Variants in KANK1 observed in about 807,000 individuals in gnomAD.
KANK1 encodes KN motif and ankyrin repeat domain-containing protein 1.
In KANK1, 109 loss-of-function variants were observed where a neutral mutation model predicts 106.2. The observed-to-expected ratio is 1.03, with a 90% CI of 0.88 to 1.20. The LOEUF is 1.20. KANK1 is among the 50% of genes most tolerant of loss of function. KANK1 has a pLI of 0.00. For synonymous variants in KANK1, 873 were observed against 652.2 expected (o/e 1.34, Z -5.16); for missense variants, 2,399 against 1,710.7 (o/e 1.40, Z -7.10).
intron 1 of KANK1, among the ~76,000 whole-genome samples, chr9:586,804 A>G (rs924831630): frequency 2.6e-5 from 4 of 152,134 alleles, no homozygotes; most frequent in Non-Finnish European, 5.9e-5. Context: ...GCCTTTACCT[A>G]AAGCAAAAGG....
rs2059246579 is a variant in KANK1 at position 515,575 on chromosome 9, GC to G, written c.-84+10822del. Among the ~76,000 whole-genome samples, 3 of 151,830 alleles carry G rather than the reference GC, an allele frequency of 2.0e-5. No homozygotes were observed. In the South Asian group the frequency reaches 6.2e-4, roughly 31 times the overall value. On this transcript the variant is annotated intron_variant, in intron 1 of 11. Coordinates refer to ENST00000382297, the MANE Select transcript of KANK1 (RefSeq NM_015158.5). ...ATTAAGGTATTTAAAGGATGAAACT[GC>G]TCATACTGTATTACTCTTTCAACTT...
chr9:502,276 TG>T, upstream of KANK1, among the ~76,000 whole-genome samples: 1 of 152,204 alleles, frequency 6.6e-6, no homozygotes, highest in African/African-American at 2.4e-5. Context: ...TGTGTGACTT[TG>T]GGAATATATT....
At chr9:571,192 A>T (rs2029726) in intron 1 of KANK1, among the ~76,000 whole-genome samples, 1 of 151,982 alleles carries the variant, frequency 6.6e-6, no homozygotes, top group Non-Finnish European at 1.5e-5. Context: ...TTTGTGTGAC[A>T]TGGTGGTGTC....
intron 3 of KANK1, among the ~76,000 whole-genome samples, chr9:482,783 G>C (rs1415894323): frequency 6.6e-6 from 1 of 152,214 alleles, no homozygotes; most frequent in East Asian, 1.9e-4. Flanking sequence ...TTGTATCGCT[G>C]ACTCTTCAGA....
At chr9:633,282 G>C (rs775769684) in intron 1 of KANK1, among the ~76,000 whole-genome samples, 6 of 151,800 alleles carry the variant, frequency 4.0e-5, no homozygotes, top group South Asian at 2.1e-4. Context: ...CGGTGAAATC[G>C]CATCTCTACT....
chr9:648,254 A>G (rs10975571), intron 1 of KANK1, among the ~76,000 whole-genome samples: 62,038 of 149,006 alleles, frequency 0.42, 15,840 homozygotes, highest in African/African-American at 0.68. Context: ...CGCCTGCCCC[A>G]GCCTCCCAAA....
intron 2 of KANK1, among the ~76,000 whole-genome samples, chr9:708,869 A>T (rs958924593): frequency 2.0e-5 from 3 of 152,234 alleles, no homozygotes; most frequent in African/African-American, 7.2e-5. Flanking sequence ...TGGGAAAACA[A>T]CACATGACCT....
intron 1 of KANK1, among the ~76,000 whole-genome samples, chr9:575,890 G>T (rs1032245741): frequency 1.3e-5 from 2 of 152,148 alleles, no homozygotes; most frequent in Admixed American, 6.5e-5. Flanking sequence ...AGATGTAGTG[G>T]TGTATGCCTA....
chr9:622,291 C>T (rs187673658), intron 1 of KANK1, among the ~76,000 whole-genome samples: 2 of 152,240 alleles, frequency 1.3e-5, no homozygotes, highest in Admixed American at 6.5e-5. Context: ...TCTTCTTAAG[C>T]GCTGTGTGTT....
chr9:670,992 C>A (rs1302319451), intron 1 of KANK1, among the ~76,000 whole-genome samples: 2 of 142,692 alleles, frequency 1.4e-5, no homozygotes, highest in Non-Finnish European at 3.0e-5. Flanking sequence ...TCTCAGTGGC[C>A]CCAGGAACTG....
At chr9:499,970 G>A (rs1056980437), upstream of KANK1, among the ~76,000 whole-genome samples, 7 of 152,158 alleles carry the variant, frequency 4.6e-5, no homozygotes, top group Non-Finnish European at 1.0e-4. Flanking sequence ...TAACAAGTTT[G>A]TTTGTAATAT....
In KANK1 at chr9:611,158, C is replaced by T. The variant is rs143097454; in HGVS notation, c.-83-65732C>T. Among the ~76,000 whole-genome samples, 402 of 152,202 alleles carry T rather than the reference C, an allele frequency of 2.6e-3. 3 individuals carry two copies. The highest frequency in any genetic ancestry group is 9.2e-3 in the African/African-American group (381 of 41,510). Reference sequence around the variant, plus strand: ...TTGACATGTGAGGAGGTTTTTTGGCCTTCAGAGATGTCGCTGTCAGCCCCC... The same window carrying T: ...TTGACATGTGAGGAGGTTTTTTGGCTTTCAGAGATGTCGCTGTCAGCCCCC... On this transcript the variant is annotated intron_variant, in intron 1 of 11. Transcript: ENST00000382297.
chr9:581,010 T>C (rs1239909976), intron 1 of KANK1, among the ~76,000 whole-genome samples: 1 of 151,908 alleles, frequency 6.6e-6, no homozygotes, highest in African/African-American at 2.4e-5. Context: ...AGCTGCTGGC[T>C]GGAGTGCTAA....
intron 1 of KANK1, among the ~76,000 whole-genome samples, chr9:512,285 G>T (rs1211690061): frequency 6.6e-6 from 1 of 150,440 alleles, no homozygotes; most frequent in Non-Finnish European, 1.5e-5. Context: ...TTTAAAACAA[G>T]GAATTGACTT....
intron 2 of KANK1, among the ~76,000 whole-genome samples, chr9:679,821 T>A (rs1415309097): frequency 1.3e-5 from 2 of 152,190 alleles, no homozygotes; most frequent in African/African-American, 4.8e-5. Context: ...TATATAGTTG[T>A]CAAATGTTAT....
At chr9:745,149 T>G in intron 11 of KANK1, 24 bp from the exon 12 acceptor site, 2 of 1,612,250 alleles carry the variant, frequency 1.2e-6, no homozygotes, top group Non-Finnish European at 1.7e-6. Flanking sequence ...TAACCCCCAG[T>G]TTTTTTCCTT....
At chr9:670,846 G>A (rs937119206) in intron 1 of KANK1, among the ~76,000 whole-genome samples, 5 of 151,638 alleles carry the variant, frequency 3.3e-5, no homozygotes, top group Non-Finnish European at 7.4e-5. Context: ...TTTTTCCAGT[G>A]TAGAATCTGA....
chr9:631,815 C>T (rs1459696505), intron 1 of KANK1, among the ~76,000 whole-genome samples: 1 of 152,234 alleles, frequency 6.6e-6, no homozygotes, highest in African/African-American at 2.4e-5. Context: ...ACTGTACTTC[C>T]TCCCCTTTGG....
At chr9:624,543 C>T (rs994685730) in intron 1 of KANK1, among the ~76,000 whole-genome samples, 2 of 152,076 alleles carry the variant, frequency 1.3e-5, no homozygotes, top group African/African-American at 4.8e-5. Flanking sequence ...GTGGCTCATG[C>T]CTGTAATCCC....
Sources: gnomAD v4.1 joint callset for allele counts (sites outside exome capture counted in the v4.1 genomes callset) on GRCh38, gnomAD v4.1.1 for gene constraint, MANE v1.5 for transcripts, NCBI Gene and HGNC (gene_info 2026-07-23, HGNC 2026-07-21) for gene names.